MORC1: variants seen among roughly 807,000 people sequenced by gnomAD.
The protein encoded by MORC1 is MORC family CW-type zinc finger 1.
A neutral mutation model predicts 134.9 loss-of-function variants in MORC1; 59 were observed. The ratio of observed to expected loss-of-function variants is 0.44; its 90% CI spans 0.35 to 0.54. MORC1 has a LOEUF of 0.54. MORC1 is among the 20% of genes least tolerant of loss of function. MORC1 has a pLI of 0.00. For synonymous variants in MORC1, 395 were observed against 391.7 expected (o/e 1.01, Z -0.10); for missense variants, 947 against 1,134.5 (o/e 0.83, Z 2.37).
chr3:109,117,971 C>T (rs199753479), intron 1 of MORC1, 24 bp downstream of exon 1: 177 of 1,571,116 alleles, frequency 1.1e-4, no homozygotes, highest in Middle Eastern at 1.7e-4. Flanking sequence ...CCCTCCCCGA[C>T]CCCGACCCCA....
At chr3:109,115,430 G>A (rs772326624) in intron 1 of MORC1, among the ~76,000 whole-genome samples, 12 of 138,676 alleles carry the variant, frequency 8.7e-5, no homozygotes, top group Non-Finnish European at 1.9e-4. Flanking sequence ...CATGAGTCAA[G>A]TAAGCTTTAA....
chr3:109,067,742 G>T (rs571319710), intron 9 of MORC1, among the ~76,000 whole-genome samples: 2 of 152,078 alleles, frequency 1.3e-5, no homozygotes, highest in Non-Finnish European at 2.9e-5. Context: ...TCTCAGGATT[G>T]GTATATTTTA....
intron 8 of MORC1, among the ~76,000 whole-genome samples, chr3:109,088,106 C>G (rs1256955048): frequency 6.6e-6 from 1 of 151,994 alleles, no homozygotes; most frequent in African/African-American, 2.4e-5. Context: ...AATGTAAAAC[C>G]CAAAACTATA....
chr3:109,041,456 A>C (rs533169811), intron 14 of MORC1, among the ~76,000 whole-genome samples: 2 of 152,136 alleles, frequency 1.3e-5, no homozygotes, highest in Non-Finnish European at 2.9e-5. Context: ...TCACACCTGT[A>C]ATTCTAGCAC....
chr3:109,105,569 C>G (rs1371526608), intron 3 of MORC1, among the ~76,000 whole-genome samples: 2 of 151,412 alleles, frequency 1.3e-5, no homozygotes, highest in Admixed American at 1.3e-4. Flanking sequence ...GACTTGGCCA[C>G]TTGGGAGGCT....
chr3:108,979,687 A>G lies in MORC1; in HGVS notation c.2325-20T>C, dbSNP rs1379511646. ...AGCAAGCTGAGGTTTGTCATTTCAAAGTAGAAATCATGTTAGGTATTAATA... is the reference window on the plus strand; with the variant it reads ...AGCAAGCTGAGGTTTGTCATTTCAAGGTAGAAATCATGTTAGGTATTAATA... On this transcript the variant is annotated intron_variant, in intron 23 of 27. Transcript: ENST00000232603. The G allele has an allele frequency of 6.2e-7, 1 of 1,609,438 alleles. No homozygotes were observed. Among genetic ancestry groups the G allele is most frequent in the Non-Finnish European group, 8.5e-7 (1 of 1,177,908 alleles).
intron 12 of MORC1, among the ~76,000 whole-genome samples, chr3:109,058,909 A>T (rs1323691063): frequency 6.6e-6 from 1 of 152,124 alleles, no homozygotes; most frequent in Non-Finnish European, 1.5e-5. Flanking sequence ...GTCACTTTTC[A>T]AACATTTCAC....
At chr3:109,038,276 T>C (rs1372938186) in intron 14 of MORC1, among the ~76,000 whole-genome samples, 1 of 129,230 alleles carries the variant, frequency 7.7e-6, no homozygotes, top group East Asian at 2.5e-4. Context: ...CTTTGCCCAC[T>C]TGTTGATGGG....
intron 8 of MORC1, among the ~76,000 whole-genome samples, chr3:109,092,171 A>G (rs1388500139): frequency 6.6e-6 from 1 of 152,196 alleles, no homozygotes; most frequent in Non-Finnish European, 1.5e-5. Context: ...TGACACCGGC[A>G]TATTAATGCT....
At chr3:109,073,052 A>G (rs1950352359) in intron 8 of MORC1, among the ~76,000 whole-genome samples, 1 of 152,072 alleles carries the variant, frequency 6.6e-6, no homozygotes, top group South Asian at 2.1e-4. Context: ...TAGTCTGTGG[A>G]TATAATAGGA....
chr3:108,979,454 A>T, intron 24 of MORC1, 61 bp downstream of exon 24: 3 of 1,551,756 alleles, frequency 1.9e-6, no homozygotes, highest in Non-Finnish European at 2.7e-6. Flanking sequence ...AAACAACAGG[A>T]GTTGTCACTG....
At chr3:109,100,628 C>A in intron 4 of MORC1, 121 bp from the exon 5 acceptor site, 1 of 733,876 alleles carries the variant, frequency 1.4e-6, no homozygotes, top group Non-Finnish European at 2.4e-6. Flanking sequence ...CTTGGGTCAG[C>A]CCAGAGACAA....
At chr3:108,987,151 T>A (rs1947916141) in intron 21 of MORC1, among the ~76,000 whole-genome samples, 1 of 152,224 alleles carries the variant, frequency 6.6e-6, no homozygotes, top group South Asian at 2.1e-4. Flanking sequence ...GATTGCATTA[T>A]CATAGTCATG....
At chr3:109,080,941 C>A (rs1158161109) in intron 8 of MORC1, among the ~76,000 whole-genome samples, 2 of 152,172 alleles carry the variant, frequency 1.3e-5, no homozygotes, top group African/African-American at 4.8e-5. Context: ...TGATTTATTT[C>A]ACATAAGTGG....
At chr3:108,962,989 G>C (rs918554759) in intron 27 of MORC1, among the ~76,000 whole-genome samples, 1 of 151,896 alleles carries the variant, frequency 6.6e-6, no homozygotes, top group African/African-American at 2.4e-5. Flanking sequence ...GTTATTAAGG[G>C]GACACCAAGG....
chr3:108,983,584 T>C (rs1425346134), intron 23 of MORC1, among the ~76,000 whole-genome samples: 1 of 152,142 alleles, frequency 6.6e-6, no homozygotes, highest in Non-Finnish European at 1.5e-5. Context: ...CTGTATGCAA[T>C]GGGAAGACAG....
chr3:108,979,485 A>T, intron 24 of MORC1, 30 bp downstream of exon 24: 1 of 1,608,262 alleles, frequency 6.2e-7, no homozygotes, highest in Non-Finnish European at 8.5e-7. Flanking sequence ...TAAACAAAGC[A>T]TGTGGAAATA....
At chr3:109,054,160 T>C (rs11706037) in intron 14 of MORC1, among the ~76,000 whole-genome samples, 18,082 of 151,572 alleles carry the variant, frequency 0.12, 1,155 homozygotes, top group Non-Finnish European at 0.14. Flanking sequence ...CAGGTGCCTG[T>C]AATCCCAGCC....
At chr3:109,081,017 C>T (rs1405456471) in intron 8 of MORC1, among the ~76,000 whole-genome samples, 5 of 152,130 alleles carry the variant, frequency 3.3e-5, no homozygotes, top group African/African-American at 1.2e-4. Flanking sequence ...CTTCACCCTC[C>T]ATGTACACAC....
Sources: gnomAD v4.1 joint callset for allele counts (sites outside exome capture counted in the v4.1 genomes callset) on GRCh38, gnomAD v4.1.1 for gene constraint, MANE v1.5 for transcripts, NCBI Gene and HGNC (gene_info 2026-07-23, HGNC 2026-07-21) for gene names.